Variants in DNAJC24 observed in about 807,000 individuals in gnomAD.
DNAJC24 encodes the protein DnaJ heat shock protein family (Hsp40) member C24.
A neutral mutation model predicts 18.0 loss-of-function variants in DNAJC24; 17 were observed. That is an observed-to-expected ratio of 0.94 (90% CI 0.65 to 1.42). DNAJC24 has a LOEUF of 1.42. Among genes scored for constraint, DNAJC24 ranks in the 40% most tolerant of loss-of-function variants. The probability of loss-of-function intolerance (pLI) is 0.00; values close to 1 mark genes in which losing one functional copy is unlikely to be tolerated. For missense variants in DNAJC24, 158 were observed against 175.6 expected, an observed-to-expected ratio of 0.90 and a Z score of 0.57; for synonymous variants, 55 against 57.7, an observed-to-expected ratio of 0.95 and a Z score of 0.21.
At chr11:31,370,120 C>A (rs1042024068) in intron 1 of DNAJC24, among the ~76,000 whole-genome samples, 2 of 152,126 alleles carry the variant, frequency 1.3e-5, no homozygotes, top group Non-Finnish European at 2.9e-5. Context: ...ACTGGGGCAT[C>A]CTCGCGTAGA....
At chr11:31,370,078 C>T (rs923453669) in intron 1 of DNAJC24, among the ~76,000 whole-genome samples, 166 bp downstream of exon 1, 7 of 152,102 alleles carry the variant, frequency 4.6e-5, no homozygotes, top group Non-Finnish European at 1.0e-4. Flanking sequence ...TTCTGGGGCT[C>T]CTGGTAGGGT....
At chr11:31,374,165 T>G in intron 2 of DNAJC24, 1 of 376,992 alleles carries the variant, frequency 2.7e-6, no homozygotes, top group Admixed American at 2.7e-5. Context: ...TATCCTTGCC[T>G]TGTTCCTGAT....
At chr11:31,387,450 C>T (rs1159715122) in intron 2 of DNAJC24, among the ~76,000 whole-genome samples, 1 of 152,122 alleles carries the variant, frequency 6.6e-6, no homozygotes, top group Non-Finnish European at 1.5e-5. Context: ...AGTACAAGAG[C>T]CTGGCTAGTA....
At chr11:31,391,259 A>G (rs1952492917) in intron 2 of DNAJC24, among the ~76,000 whole-genome samples, 1 of 152,176 alleles carries the variant, frequency 6.6e-6, no homozygotes, top group African/African-American at 2.4e-5. Flanking sequence ...TTGAATAGGG[A>G]AAAACTGAAA....
intron 3 of DNAJC24, among the ~76,000 whole-genome samples, chr11:31,425,123 C>A (rs1952848870): frequency 6.6e-6 from 1 of 152,138 alleles, no homozygotes; most frequent in Admixed American, 6.6e-5. Flanking sequence ...AGAGTAGATG[C>A]TCCTGTTACA....
intron 2 of DNAJC24, among the ~76,000 whole-genome samples, chr11:31,393,504 C>T (rs1303315239): frequency 6.6e-6 from 1 of 152,122 alleles, no homozygotes; most frequent in African/African-American, 2.4e-5. Context: ...AGGGCTCCAC[C>T]CTCATGGGTA....
chr11:31,391,920 A>ACTTTTCTGGGATCAC (rs1952500088), intron 2 of DNAJC24, among the ~76,000 whole-genome samples: 1 of 152,194 alleles, frequency 6.6e-6, no homozygotes, highest in South Asian at 2.1e-4. Flanking sequence ...TTCAGCCATA[A>ACTTTTCTGGGATCAC]AAAGTGAGAT....
chr11:31,426,395 AAG>A, intron 4 of DNAJC24, 40 bp downstream of exon 4: 1 of 1,223,150 alleles, frequency 8.2e-7, no homozygotes, highest in Non-Finnish European at 1.2e-6. Context: ...TTAAAAAAAA[AAG>A]GAATTTTCTA....
At position 31,373,554 on chromosome 11, in the gene DNAJC24, C is replaced by A. The variant is rs150827242; in HGVS notation, c.111+2695C>A. 3.7e-4 allele frequency among the ~76,000 whole-genome samples: 50 copies of A among 135,350 alleles called. 2 individuals are homozygous for A. Among genetic ancestry groups the A allele is most frequent in the African/African-American group, 1.1e-3 (46 of 40,470 alleles). 88.8% of individuals were successfully genotyped at this position (135,350 alleles called of 152,430 possible). On this transcript the variant is annotated intron_variant, in intron 2 of 4. Transcript: ENST00000465995. ...AAGTTAGTTCTCTAATATTATCCTT[C>A]TTTTCCAGTTTATTTCGGTTATTCT...
Position 31,391,073 on chromosome 11 carries a change from A to G in DNAJC24, c.111+20214A>G, listed in dbSNP as rs79691027. Among the ~76,000 whole-genome samples, 2,788 of 152,324 alleles carry G rather than the reference A, an allele frequency of 0.018. 235 individuals carry two copies. The East Asian group carries it at 0.27, about 15-fold the overall frequency. On this transcript the variant is annotated intron_variant, in intron 2 of 4. Transcript: ENST00000465995. Reference sequence around the variant, plus strand: ...ATACATAGATCAATCAATGTGATCCATCTTATCAACAGAATGAAGAATAAA... The same window carrying G: ...ATACATAGATCAATCAATGTGATCCGTCTTATCAACAGAATGAAGAATAAA...
chr11:31,391,472 T>G (rs1045227236), intron 2 of DNAJC24, among the ~76,000 whole-genome samples: 4 of 152,180 alleles, frequency 2.6e-5, no homozygotes, highest in African/African-American at 7.2e-5. Flanking sequence ...TCAAAGAAGA[T>G]GTACAAATGG....
At chr11:31,409,302 T>C (rs758406725) in intron 2 of DNAJC24, among the ~76,000 whole-genome samples, 3 of 152,206 alleles carry the variant, frequency 2.0e-5, no homozygotes, top group Non-Finnish European at 2.9e-5. Flanking sequence ...ATCTTAAGTG[T>C]TAAGTTTGGT....
intron 2 of DNAJC24, among the ~76,000 whole-genome samples, chr11:31,378,115 TTAAA>T (rs1952336239): frequency 6.6e-6 from 1 of 152,136 alleles, no homozygotes; most frequent in Non-Finnish European, 1.5e-5. Flanking sequence ...GAACAATTCT[TTAAA>T]TAAGTCTTTT....
intron 2 of DNAJC24, among the ~76,000 whole-genome samples, chr11:31,397,449 G>C (rs1329023468): frequency 6.6e-6 from 1 of 150,844 alleles, no homozygotes; most frequent in Non-Finnish European, 1.5e-5. Context: ...GGTGGCAGTA[G>C]TGTGTTGTAC....
intron 2 of DNAJC24, among the ~76,000 whole-genome samples, chr11:31,386,014 G>A (rs1421426589): frequency 6.6e-6 from 1 of 152,142 alleles, no homozygotes; most frequent in Non-Finnish European, 1.5e-5. Context: ...GCAACACTTG[G>A]CAGAACTCAA....
rs1233077178 is a variant in DNAJC24, at chr11:31,426,307, G to C, written c.271G>C (p.Gly91Arg). 6.4e-7 allele frequency: 1 copy of C among 1,566,934 alleles called. No homozygotes were observed. The highest frequency in any genetic ancestry group is 8.6e-7 in the Non-Finnish European group (1 of 1,157,622). The part of the protein sequence containing the change: ...QRCEDDLRNV[G>R]PVDAQVYLEE... ...TACAGAAGATGATCTAAGAAATGTAGGACCAGTAGATGCTCAAGTATATCT... is the reference window on the plus strand; with the variant it reads ...TACAGAAGATGATCTAAGAAATGTACGACCAGTAGATGCTCAAGTATATCT... The change falls in exon 4 of 5, where the codon GGA becomes CGA. Residue 91 changes from glycine to arginine, a missense_variant. Transcript: ENST00000465995.
At chr11:31,371,967 C>T (rs562229646) in intron 2 of DNAJC24, among the ~76,000 whole-genome samples, 6 of 151,608 alleles carry the variant, frequency 4.0e-5, no homozygotes, top group South Asian at 4.2e-4. Context: ...GGGATTAAGG[C>T]GCATGCCACC....
At chr11:31,380,169 T>C (rs1952362405) in intron 2 of DNAJC24, among the ~76,000 whole-genome samples, 1 of 152,176 alleles carries the variant, frequency 6.6e-6, no homozygotes, top group Non-Finnish European at 1.5e-5. Flanking sequence ...ATTTATCACA[T>C]AGTCTAGCTT....
intron 2 of DNAJC24, chr11:31,408,147 C>A: frequency 2.2e-6 from 1 of 456,150 alleles, no homozygotes; most frequent in Non-Finnish European, 4.4e-6. Flanking sequence ...GGTGTACATA[C>A]TTGGAAGGAC....
Sources: allele counts gnomAD v4.1 joint callset (sites outside exome capture counted in the v4.1 genomes callset), GRCh38; gene constraint gnomAD v4.1.1; transcripts MANE v1.5; gene names NCBI Gene and HGNC (gene_info 2026-07-23, HGNC 2026-07-21).